The following ABLIM1 variants were observed in gnomAD, a reference collection of about 807,000 sequenced individuals.
ABLIM1 encodes actin-binding LIM protein 1.
ABLIM1 carries 40 observed loss-of-function variants against 107.0 expected under a neutral mutation model. The observed-to-expected ratio is 0.37, with a 90% CI of 0.29 to 0.49. ABLIM1 has a LOEUF of 0.49. ABLIM1 is among the 20% of genes least tolerant of loss of function. The probability of loss-of-function intolerance (pLI) is 0.97; values close to 1 mark genes in which losing one functional copy is unlikely to be tolerated. For synonymous variants in ABLIM1, 357 were observed against 357.3 expected (o/e 1.00, Z 0.01); for missense variants, 857 against 1,008.5 (o/e 0.85, Z 2.04).
chr10:114,644,047 C>A (rs1049555783), intron 1 of ABLIM1, among the ~76,000 whole-genome samples: 1 of 150,892 alleles, frequency 6.6e-6, no homozygotes, highest in Non-Finnish European at 1.5e-5. Context: ...TTTGGGAGGC[C>A]GAGGCGGGCA....
rs148311985 is a variant in ABLIM1, at chr10:114,510,822, T to C, written c.895-18944A>G. ...TGCACCACCATTCCCAGCTAACTTTTTGTATTTTTATTAGAGATGGGGTTT... is the reference window on the plus strand; with the variant it reads ...TGCACCACCATTCCCAGCTAACTTTCTGTATTTTTATTAGAGATGGGGTTT... On this transcript the variant is annotated intron_variant, in intron 6 of 22. Coordinates refer to ENST00000533213, the MANE Select transcript of ABLIM1 (RefSeq NM_002313.7). Among the ~76,000 whole-genome samples, 603 of 151,906 alleles carry C rather than the reference T, an allele frequency of 4.0e-3. 12 individuals carry two copies. Among genetic ancestry groups the C allele is most frequent in the Admixed American group, 0.03 (453 of 15,272 alleles).
intron 1 of ABLIM1, among the ~76,000 whole-genome samples, chr10:114,681,398 T>C (rs1398335504): frequency 6.6e-6 from 1 of 152,142 alleles, no homozygotes; most frequent in Non-Finnish European, 1.5e-5. Context: ...TTTCACCACG[T>C]TGGCCAGTCT....
At chr10:114,729,539 T>C (rs1291925020) in intron 1 of ABLIM1, among the ~76,000 whole-genome samples, 1 of 152,064 alleles carries the variant, frequency 6.6e-6, no homozygotes, top group Non-Finnish European at 1.5e-5. Flanking sequence ...AGTTCTTTGA[T>C]TGTGAATGAC....
At chr10:114,650,222 G>A (rs1040280987) in intron 1 of ABLIM1, among the ~76,000 whole-genome samples, 1 of 152,138 alleles carries the variant, frequency 6.6e-6, no homozygotes, top group African/African-American at 2.4e-5. Flanking sequence ...ACAGGTCCAT[G>A]GCTGATTTGC....
intron 1 of ABLIM1, among the ~76,000 whole-genome samples, chr10:114,762,749 AC>A (rs915849065): frequency 1.3e-5 from 2 of 152,098 alleles, no homozygotes; most frequent in Admixed American, 6.5e-5. Context: ...AATTTACAAA[AC>A]TAGGGTCATT....
At chr10:114,637,790 T>G (rs2078554471) in intron 1 of ABLIM1, among the ~76,000 whole-genome samples, 1 of 152,210 alleles carries the variant, frequency 6.6e-6, no homozygotes, top group South Asian at 2.1e-4. Flanking sequence ...TTTCAGAGAT[T>G]TTAGCCTAAC....
chr10:114,673,448 A>C (rs780646278), intron 1 of ABLIM1, among the ~76,000 whole-genome samples: 19 of 152,258 alleles, frequency 1.2e-4, no homozygotes, highest in South Asian at 1.0e-3. Flanking sequence ...TCATGTCTTC[A>C]TCCTCATCTC....
At chr10:114,584,135 A>AAAAG (rs2073928983) in intron 2 of ABLIM1, among the ~76,000 whole-genome samples, 1 of 149,198 alleles carries the variant, frequency 6.7e-6, no homozygotes, top group African/African-American at 2.5e-5. Flanking sequence ...AAAATTAAGA[A>AAAAG]AAAAGAAAAG....
chr10:114,799,035 T>C, the ABLIM1 span, among the ~76,000 whole-genome samples: 2 of 152,126 alleles, frequency 1.3e-5, no homozygotes, highest in East Asian at 1.9e-4. Context: ...TTTGACCTCA[T>C]GATCTGCCCA....
chr10:114,669,713 A>G (rs2080170931), intron 1 of ABLIM1, among the ~76,000 whole-genome samples: 1 of 152,230 alleles, frequency 6.6e-6, no homozygotes, highest in Admixed American at 6.5e-5. Flanking sequence ...TTTTCAAGAC[A>G]AAGCTAACAA....
intron 6 of ABLIM1, among the ~76,000 whole-genome samples, chr10:114,522,614 A>C (rs1324432519): frequency 6.6e-6 from 1 of 152,248 alleles, no homozygotes; most frequent in Non-Finnish European, 1.5e-5. Context: ...TTAAGTGTAA[A>C]CAAGTATTTT....
intron 1 of ABLIM1, among the ~76,000 whole-genome samples, chr10:114,667,630 A>T (rs11196853): frequency 0.2 from 29,695 of 152,186 alleles, 2,961 homozygotes; most frequent in Middle Eastern, 0.26. Context: ...CTGTCAAGAT[A>T]TAGAACACTT....
chr10:114,758,286 C>T (rs1484024479), intron 1 of ABLIM1, among the ~76,000 whole-genome samples: 1 of 152,176 alleles, frequency 6.6e-6, no homozygotes, highest in African/African-American at 2.4e-5. Flanking sequence ...TGAATACATT[C>T]TTGCCAACTA....
chr10:114,779,506 A>G, the ABLIM1 span: 1 of 152,246 alleles, frequency 6.6e-6, no homozygotes, highest in African/African-American at 2.4e-5. Context: ...ACTCACTACT[A>G]TTTGATGGGT....
intron 2 of ABLIM1, among the ~76,000 whole-genome samples, chr10:114,587,323 C>T (rs1289379401): frequency 6.6e-6 from 1 of 152,178 alleles, no homozygotes; most frequent in Non-Finnish European, 1.5e-5. Context: ...ACACCCTCTA[C>T]ACATAGTTAA....
At chr10:114,560,683 C>A (rs144354162) in intron 4 of ABLIM1, among the ~76,000 whole-genome samples, 3 of 152,164 alleles carry the variant, frequency 2.0e-5, no homozygotes, top group African/African-American at 7.2e-5. Flanking sequence ...TTTGTCAGCA[C>A]GTATCCCTGT....
chr10:114,661,375 T>G (rs2079790416), upstream of ABLIM1, among the ~76,000 whole-genome samples: 1 of 152,210 alleles, frequency 6.6e-6, no homozygotes, highest in Non-Finnish European at 1.5e-5. Flanking sequence ...ACTCCCCAAG[T>G]GCTCAGAGCT....
chr10:114,518,996 G>A lies in ABLIM1; in HGVS notation c.894+26009C>T, dbSNP rs116196795. 6.7e-3 allele frequency among the ~76,000 whole-genome samples: 1,025 copies of A among 152,166 alleles called. 12 individuals carry two copies. The highest frequency in any genetic ancestry group is 0.024 in the African/African-American group (983 of 41,508). ...TAAAAACAAAGTGAAATAAAGGTTT[G>A]AGCAAAAATCTTTTGAATATCTACT... On this transcript the variant is annotated intron_variant, in intron 6 of 22. Transcript: ENST00000533213.
chr10:114,572,692 C>G (rs893799983), intron 3 of ABLIM1, among the ~76,000 whole-genome samples: 2 of 152,154 alleles, frequency 1.3e-5, no homozygotes, highest in Non-Finnish European at 2.9e-5. Flanking sequence ...TCAAAAATCA[C>G]CCTCTGCTGG....
Sources: gnomAD v4.1 joint callset for allele counts (sites outside exome capture counted in the v4.1 genomes callset) on GRCh38, gnomAD v4.1.1 for gene constraint, MANE v1.5 for transcripts, NCBI Gene and HGNC (gene_info 2026-07-23, HGNC 2026-07-21) for gene names.